Variants in TNR observed in about 807,000 individuals in gnomAD.
TNR encodes the protein tenascin R.
Under a neutral mutation model 150.4 loss-of-function variants are expected in TNR, and 45 were observed. That is an observed-to-expected ratio of 0.30 (90% CI 0.24 to 0.38). The LOEUF (loss-of-function observed/expected upper bound fraction) is 0.38. Among genes scored for constraint, TNR ranks in the 10% least tolerant of loss-of-function variants. TNR has a pLI of 1.00. For missense variants in TNR, 1,544 were observed against 1,759.1 expected (o/e 0.88, Z 2.19); for synonymous variants, 687 against 678.4 (o/e 1.01, Z -0.20).
At chr1:175,613,007 TA>T (rs200876113) in intron 1 of TNR, among the ~76,000 whole-genome samples, 5 of 152,184 alleles carry the variant, frequency 3.3e-5, no homozygotes, top group African/African-American at 1.2e-4. Context: ...TGAAAGACCT[TA>T]AAAAATGTTT....
chr1:175,342,314 C>G (rs1054832292), intron 18 of TNR, among the ~76,000 whole-genome samples: 2 of 152,152 alleles, frequency 1.3e-5, no homozygotes, highest in African/African-American at 4.8e-5. Flanking sequence ...AACTGCTAAT[C>G]AGAAAGTTAC....
chr1:175,397,152 T>C (rs11810207), intron 4 of TNR, among the ~76,000 whole-genome samples: 2,092 of 152,348 alleles, frequency 0.014, 26 homozygotes, highest in Non-Finnish European at 0.018. Context: ...ATATTAAAAA[T>C]AAAGGTAATA....
intron 9 of TNR, among the ~76,000 whole-genome samples, chr1:175,373,060 T>C (rs2102019996): frequency 6.6e-6 from 1 of 152,252 alleles, no homozygotes; most frequent in African/African-American, 2.4e-5. Context: ...TGTAGTATAG[T>C]GAGAAAACAT....
At chr1:175,409,560 C>T (rs769690705) in intron 2 of TNR, among the ~76,000 whole-genome samples, 7 of 151,936 alleles carry the variant, frequency 4.6e-5, no homozygotes, top group Non-Finnish European at 7.4e-5. Flanking sequence ...TTGTAACTAC[C>T]GAAATCTTAT....
chr1:175,328,509 C>A (rs969948324), intron 21 of TNR, among the ~76,000 whole-genome samples: 1 of 152,174 alleles, frequency 6.6e-6, no homozygotes, highest in African/African-American at 2.4e-5. Flanking sequence ...TCTCCAGAAA[C>A]CTTCTGATCT....
chr1:175,397,164 A>T (rs1653466703), intron 4 of TNR, among the ~76,000 whole-genome samples: 1 of 152,242 alleles, frequency 6.6e-6, no homozygotes, highest in African/African-American at 2.4e-5. Context: ...AAGGTAATAG[A>T]TATTCAAAAT....
chr1:175,472,228 C>T (rs144048535), intron 2 of TNR, among the ~76,000 whole-genome samples: 13 of 152,246 alleles, frequency 8.5e-5, no homozygotes, highest in East Asian at 3.9e-4. Context: ...TCCACCTGGA[C>T]GTCTTGTCTC....
intron 2 of TNR, among the ~76,000 whole-genome samples, chr1:175,523,592 T>G (rs1659727958): frequency 6.6e-6 from 1 of 152,206 alleles, no homozygotes; most frequent in Non-Finnish European, 1.5e-5. Context: ...AACATCTGTT[T>G]GGGTGGATTC....
chr1:175,550,337 T>G (rs1474650779), intron 1 of TNR, among the ~76,000 whole-genome samples: 1 of 152,018 alleles, frequency 6.6e-6, no homozygotes, highest in African/African-American at 2.4e-5. Context: ...TTTCCAACCC[T>G]CACCTCCACA....
At chr1:175,735,529 G>A (rs1667748980) in intron 1 of TNR, among the ~76,000 whole-genome samples, 1 of 152,192 alleles carries the variant, frequency 6.6e-6, no homozygotes, top group Admixed American at 6.5e-5. Context: ...GTGGCCACAA[G>A]CCTTACAATA....
intron 2 of TNR, among the ~76,000 whole-genome samples, chr1:175,426,186 G>T (rs939733494): frequency 5.3e-5 from 8 of 152,178 alleles, no homozygotes. Context: ...GATTCCCTGA[G>T]TAGTCTGGAG....
At chr1:175,731,201 T>A (rs971782376) in intron 1 of TNR, among the ~76,000 whole-genome samples, 12 of 152,272 alleles carry the variant, frequency 7.9e-5, no homozygotes, top group African/African-American at 2.6e-4. Context: ...ACCTTCGTGA[T>A]TTCAATCACC....
chr1:175,715,516 C>A (rs539046725), intron 1 of TNR, among the ~76,000 whole-genome samples: 1 of 152,182 alleles, frequency 6.6e-6, no homozygotes, highest in African/African-American at 2.4e-5. Context: ...TTCCTGGGCC[C>A]CAGGACCCCT....
intron 2 of TNR, among the ~76,000 whole-genome samples, chr1:175,509,613 G>GA (rs1422919632): frequency 1.3e-5 from 2 of 152,250 alleles, no homozygotes; most frequent in East Asian, 3.9e-4. Context: ...CTAGTGTTGA[G>GA]AAAAAGCTGG....
At chr1:175,495,286 T>C (rs947986168) in intron 2 of TNR, among the ~76,000 whole-genome samples, 1 of 152,164 alleles carries the variant, frequency 6.6e-6, no homozygotes, top group African/African-American at 2.4e-5. Context: ...ACCTCACAGA[T>C]GTTGTTTCAA....
intron 1 of TNR, among the ~76,000 whole-genome samples, chr1:175,653,596 A>G (rs1459369320): frequency 1.3e-5 from 2 of 152,220 alleles, no homozygotes; most frequent in Non-Finnish European, 2.9e-5. Flanking sequence ...ACAAATTATG[A>G]TATTTTGCCA....
chr1:175,406,298 G>T lies in TNR; in HGVS notation c.417C>A (p.Ser139Arg). The T allele has an allele frequency of 6.2e-7, 1 of 1,614,136 alleles. No homozygotes were observed. The highest frequency in any genetic ancestry group is 8.5e-7 in the Non-Finnish European group (1 of 1,180,004). ...CCTCCCTCTCCAGCATCTCGATCCG[G>T]CTCAGCAGCTCCTGCAGCACCTGGG... ...SSAQVLQELL[S>R]RIEMLEREVS... Residue 139 changes from serine to arginine, a missense_variant, in exon 3 of 23, where the codon AGC (serine) becomes AGA (arginine). Transcript: ENST00000367674.
At chr1:175,678,763 C>T (rs1291692021) in intron 1 of TNR, among the ~76,000 whole-genome samples, 2 of 152,196 alleles carry the variant, frequency 1.3e-5, no homozygotes, top group Non-Finnish European at 2.9e-5. Flanking sequence ...GACAGGAAGA[C>T]CAAGTGGGAA....
At chr1:175,552,176 A>T (rs1207814460) in intron 1 of TNR, among the ~76,000 whole-genome samples, 1 of 152,200 alleles carries the variant, frequency 6.6e-6, no homozygotes, top group Non-Finnish European at 1.5e-5. Flanking sequence ...GGTAGGTAGG[A>T]GGCCATAGAA....
Sources: allele counts gnomAD v4.1 joint callset (sites outside exome capture counted in the v4.1 genomes callset), GRCh38; gene constraint gnomAD v4.1.1; transcripts MANE v1.5; gene names NCBI Gene and HGNC (gene_info 2026-07-23, HGNC 2026-07-21).